The following CFAP46 variants were observed in gnomAD, a reference collection of about 807,000 sequenced individuals.
The protein encoded by CFAP46 is cilia- and flagella-associated protein 46.
CFAP46 carries 245 observed loss-of-function variants against 325.7 expected under a neutral mutation model. The ratio of observed to expected loss-of-function variants is 0.75; its 90% CI spans 0.68 to 0.84. The LOEUF (loss-of-function observed/expected upper bound fraction) is 0.84. Among genes scored for constraint, CFAP46 ranks in the 40% least tolerant of loss-of-function variants. The pLI, the probability that CFAP46 is intolerant of heterozygous loss-of-function variation, is 0.00. For synonymous variants in CFAP46, 1,523 were observed against 1,495.9 expected, an observed-to-expected ratio of 1.02 and a Z score of -0.42; for missense variants, 3,346 against 3,543.0, an observed-to-expected ratio of 0.94 and a Z score of 1.41.
Position 132,869,224 on chromosome 10 carries a change from C to G in CFAP46, c.4610+50G>C. The G allele has an allele frequency of 6.9e-7, 1 of 1,453,218 alleles. No homozygotes were observed. The highest frequency in any genetic ancestry group is 9.2e-7 in the Non-Finnish European group (1 of 1,085,544). The allele number at this position is 1,453,218 out of a possible 1,614,324, so 90.0% of individuals were successfully genotyped here. ...CGCAGCTGGCTTTCACCTGGCCGCACCAAGGGCGAGACTCAAACCCCAGGC... is the reference window on the plus strand; with the variant it reads ...CGCAGCTGGCTTTCACCTGGCCGCAGCAAGGGCGAGACTCAAACCCCAGGC... On this transcript the variant is annotated intron_variant, in intron 33 of 57. Transcript: ENST00000368586. The surrounding 1 kb of genome is among the most constrained non-coding windows in gnomAD (Gnocchi z 6.2).
chr10:132,919,229 T>G lies in CFAP46; in HGVS notation c.1858+86A>C. On this transcript the variant is annotated intron_variant, in intron 15 of 57. Coordinates refer to ENST00000368586, the MANE Select transcript of CFAP46 (RefSeq NM_001200049.3). This position sits in a 1 kb window ranked among gnomAD's most constrained non-coding sequence, Gnocchi z 9.7. ...CTTTCTCATGCGAAGGCCCCATGGGTTGTCATTGCACGAACCACAACCCTT... is the reference window on the plus strand; with the variant it reads ...CTTTCTCATGCGAAGGCCCCATGGGGTGTCATTGCACGAACCACAACCCTT... 4 of 1,385,968 alleles carry G rather than the reference T, an allele frequency of 2.9e-6. No homozygotes were observed. The highest frequency in any genetic ancestry group is 2.9e-6 in the Non-Finnish European group (3 of 1,041,182). The allele number at this position is 1,385,968 out of a possible 1,614,324, so 85.9% of individuals were successfully genotyped here. A position where few individuals can be genotyped will look rare whatever the true frequency, so the allele number is the denominator to read the frequency against.
chr10:132,851,863 T>A (rs1413576558), intron 39 of CFAP46, among the ~76,000 whole-genome samples: 5 of 135,448 alleles, frequency 3.7e-5, no homozygotes, highest in Non-Finnish European at 8.1e-5. Context: ...TTCCTCCATT[T>A]ACTTAGGAAT....
rs755681328 is a variant in CFAP46, at chr10:132,847,217, C to T, written c.6057G>A (p.Glu2019=). ...GGTCCTCGCCTCTCCTGCAGTGCTCCTCCGGGGCTGCCCTGGAGGCCGGCG... is the reference window on the plus strand; with the variant it reads ...GGTCCTCGCCTCTCCTGCAGTGCTCTTCCGGGGCTGCCCTGGAGGCCGGCG... The part of the protein sequence containing the change: ...RDPPASRAAP[E]EHCRRGEDLK... The change falls in exon 42 of 58, where the codon GAG becomes GAA. Residue 2019 remains glutamate (E), a synonymous_variant. Transcript: ENST00000368586. The surrounding 1 kb of genome is among the most constrained non-coding windows in gnomAD (Gnocchi z 5.2). 1 of 1,613,050 alleles carries T rather than the reference C, an allele frequency of 6.2e-7. No individual in the cohort carries two copies. The highest frequency in any genetic ancestry group is 8.5e-7 in the Non-Finnish European group (1 of 1,179,924).
At chr10:132,879,357 C>G in intron 29 of CFAP46, 69 bp downstream of exon 29, 2 of 1,385,094 alleles carry the variant, frequency 1.4e-6, no homozygotes, top group Non-Finnish European at 1.9e-6. Context: ...ACGCTCACTG[C>G]GGTTTCCCCA....
chr10:132,869,430 C>T lies in CFAP46; in HGVS notation c.4512-58G>A, dbSNP rs73393227. 0.031 allele frequency: 39,488 copies of T among 1,291,176 alleles called. 2,319 individuals are homozygous for T. Among genetic ancestry groups the T allele is most frequent in the African/African-American group, 0.24 (15,926 of 66,970 alleles). The allele number at this position is 1,291,176 out of a possible 1,614,324, so 80.0% of individuals were successfully genotyped here. On this transcript the variant is annotated intron_variant, in intron 32 of 57. Transcript: ENST00000368586. The surrounding 1 kb of genome is among the most constrained non-coding windows in gnomAD (Gnocchi z 6.2). ...GCACGGGCGCAGAGGGAGCCAGAAA[C>T]GAAGCTACTAGTGTGCTTCACAGAA...
At chr10:132,836,736 G>C (rs1471498969) in intron 45 of CFAP46, 81 bp downstream of exon 45, 1 of 1,191,924 alleles carries the variant, frequency 8.4e-7, no homozygotes, top group Admixed American at 1.7e-5. Flanking sequence ...CTGAGGTGTG[G>C]GCAGCCCACG....
chr10:132,821,981 C>A (rs1453256075), intron 50 of CFAP46, among the ~76,000 whole-genome samples: 7 of 115,736 alleles, frequency 6.0e-5, no homozygotes, highest in Admixed American at 2.0e-4. Flanking sequence ...CTGATGTGTG[C>A]TGTGTGTGCG....
In CFAP46 at chr10:132,884,788, G is replaced by A. The variant is rs1849097166; in HGVS notation, c.3627+315C>T. 6.6e-6 allele frequency among the ~76,000 whole-genome samples: 1 copy of A among 152,014 alleles called. No homozygotes were observed. The highest frequency in any genetic ancestry group is 2.4e-5 in the African/African-American group (1 of 41,400). On this transcript the variant is annotated intron_variant, in intron 27 of 57. Coordinates refer to ENST00000368586, the MANE Select transcript of CFAP46 (RefSeq NM_001200049.3). The surrounding 1 kb of genome is among the most constrained non-coding windows in gnomAD (Gnocchi z 5.4). ...CAGCCACCCGCCCATCGGGGCCCTG[G>A]TGCCACCAGGGGAGCCTGGGCGCTT...
chr10:132,833,479 G>A lies in CFAP46; in HGVS notation c.6996C>T (p.Asp2332=). Residue 2332 remains aspartate, a synonymous_variant, in exon 50 of 58, where the codon GAC becomes GAT. Coordinates refer to ENST00000368586, the MANE Select transcript of CFAP46 (RefSeq NM_001200049.3). ...EVADKIVLVA[D]RHLLELPLEG... ...CCAGTGGCAGCTCCAGGAGATGTCT[G>A]TCTGCGACCAGGACTATCTTATCGG... 2 of 1,614,148 alleles carry A rather than the reference G, an allele frequency of 1.2e-6. No homozygotes were observed. The highest frequency in any genetic ancestry group is 8.5e-7 in the Non-Finnish European group (1 of 1,180,026).
chr10:132,815,223 G>T (rs1320491575), intron 50 of CFAP46, among the ~76,000 whole-genome samples: 1 of 152,316 alleles, frequency 6.6e-6, no homozygotes, highest in Non-Finnish European at 1.5e-5. Context: ...GCCCCTCACT[G>T]GTTCCAGGGC....
chr10:132,852,784 C>T (rs1046215276), intron 39 of CFAP46, among the ~76,000 whole-genome samples: 2 of 152,236 alleles, frequency 1.3e-5, no homozygotes, highest in Non-Finnish European at 2.9e-5. Context: ...AGTACAAGTT[C>T]TCACATTTTT....
Position 132,920,143 on chromosome 10 carries a change from C to T in CFAP46, c.1646G>A (p.Cys549Tyr). The T allele has an allele frequency of 6.5e-7, 1 of 1,548,832 alleles. No homozygotes were observed. Among genetic ancestry groups the T allele is most frequent in the Middle Eastern group, 1.7e-4 (1 of 5,974 alleles). Residue 549 changes from cysteine (C) to tyrosine (Y), a missense_variant, in exon 14 of 58, where the codon TGT becomes TAT. Cys to Tyr is a radical substitution (Grantham distance 194). Coordinates refer to ENST00000368586, the MANE Select transcript of CFAP46 (RefSeq NM_001200049.3). ...GACGGTGTGGTGCCACGCCTTCGCA[C>T]AGAGGTAGGTGAACCGGCCCCTGTT... ...GKNRGRFTYL[C>Y]AKAWHHTVSV...
At chr10:132,927,159 C>T (rs1849823438) in intron 9 of CFAP46, among the ~76,000 whole-genome samples, 2 of 152,218 alleles carry the variant, frequency 1.3e-5, no homozygotes, top group African/African-American at 4.8e-5. Context: ...ACTAAACCCA[C>T]CCCGCTCGAG....
At chr10:132,824,700 TGA>T (rs1847998929) in intron 50 of CFAP46, among the ~76,000 whole-genome samples, 1 of 54,672 alleles carries the variant, frequency 1.8e-5, no homozygotes, top group Non-Finnish European at 3.2e-5. Flanking sequence ...GTGTGTGCGC[TGA>T]TGTGTGCTGT....
rs1323824822 is a variant in CFAP46, at chr10:132,867,494, T to C, written c.4624A>G (p.Ile1542Val). ...TTATTTTTCTCTTTTTTCAACGCGA[T>C]CTCTTTTCTGCAGCTAATGCGAGGA... is the stretch of plus-strand genomic sequence containing the variant. ...ELEQASCRKE[I>V]ALKKEKNKEP... is the part of the protein sequence containing the mutation. Residue 1542 changes from isoleucine to valine, a missense_variant, in exon 34 of 58, where the codon ATC (isoleucine) becomes GTC (valine). By Grantham distance (29) the Ile-to-Val change is conservative. Transcript: ENST00000368586. The C allele has an allele frequency of 1.9e-6, 3 of 1,549,974 alleles. No homozygotes were observed. Among genetic ancestry groups the C allele is most frequent in the Non-Finnish European group, 2.6e-6 (3 of 1,146,954 alleles).
At chr10:132,927,449 G>A (rs1310817221) in intron 9 of CFAP46, among the ~76,000 whole-genome samples, 1 of 152,108 alleles carries the variant, frequency 6.6e-6, no homozygotes, top group Non-Finnish European at 1.5e-5. Flanking sequence ...CCACAAGCAC[G>A]GGAAGTACCC....
At chr10:132,932,784 A>G (rs1591099561) in intron 8 of CFAP46, among the ~76,000 whole-genome samples, 1 of 152,260 alleles carries the variant, frequency 6.6e-6, no homozygotes, top group South Asian at 2.1e-4. Flanking sequence ...TGCTCCAGAC[A>G]ACTTCAAGAA....
chr10:132,863,722 C>T (rs1848757283), intron 35 of CFAP46, among the ~76,000 whole-genome samples: 1 of 149,754 alleles, frequency 6.7e-6, no homozygotes, highest in African/African-American at 2.5e-5. Context: ...GAGACCTGCA[C>T]TCACCTGTCC....
At chr10:132,925,069 T>C (rs1849788323) in intron 10 of CFAP46, among the ~76,000 whole-genome samples, 183 bp from the exon 11 acceptor site, 1 of 152,204 alleles carries the variant, frequency 6.6e-6, no homozygotes, top group Non-Finnish European at 1.5e-5. Context: ...AGTGGACGTC[T>C]CACAAGATAT....
Sources: gnomAD v4.1 joint callset for allele counts (sites outside exome capture counted in the v4.1 genomes callset) on GRCh38, gnomAD v4.1.1 for gene constraint, Gnocchi (gnomAD v3.1) non-coding constraint, MANE v1.5 for transcripts, NCBI Gene and HGNC (gene_info 2026-07-23, HGNC 2026-07-21) for gene names.